The following ITFG1 variants were observed in gnomAD, a reference collection of about 807,000 sequenced individuals.
ITFG1 encodes the protein T-cell immunomodulatory protein.
A neutral mutation model predicts 81.8 loss-of-function variants in ITFG1; 34 were observed. The observed-to-expected ratio is 0.42, with a 90% CI of 0.32 to 0.55. The LOEUF (loss-of-function observed/expected upper bound fraction) is 0.55. ITFG1 is among the 20% of genes least tolerant of loss of function. The pLI, the probability that ITFG1 is intolerant of heterozygous loss-of-function variation, is 0.17. For synonymous variants in ITFG1, 285 were observed against 270.6 expected (o/e 1.05, Z -0.52); for missense variants, 672 against 755.4 (o/e 0.89, Z 1.29).
chr16:47,328,344 A>G (rs1264184442), intron 8 of ITFG1, among the ~76,000 whole-genome samples: 1 of 152,138 alleles, frequency 6.6e-6, no homozygotes, highest in Non-Finnish European at 1.5e-5. Flanking sequence ...GGCGGGAGCG[A>G]TAGCATTAGG....
intron 8 of ITFG1, among the ~76,000 whole-genome samples, chr16:47,355,540 C>A (rs188305564): frequency 3.2e-4 from 48 of 152,174 alleles, no homozygotes; most frequent in African/African-American, 1.1e-3. Flanking sequence ...TTTTAATGTT[C>A]TCACCACAAA....
At chr16:47,180,352 G>GCCCTCT (rs1183134881) in intron 14 of ITFG1, among the ~76,000 whole-genome samples, 2 of 151,512 alleles carry the variant, frequency 1.3e-5, no homozygotes, top group African/African-American at 2.4e-5. Flanking sequence ...TGGTATTATT[G>GCCCTCT]CCCTCTCCCT....
chr16:47,305,935 G>A (rs955680138), intron 10 of ITFG1, among the ~76,000 whole-genome samples: 1 of 152,144 alleles, frequency 6.6e-6, no homozygotes, highest in Admixed American at 6.5e-5. Context: ...GGTGATCAGA[G>A]AAATCAGTAA....
At chr16:47,349,280 G>C (rs1381161030) in intron 8 of ITFG1, among the ~76,000 whole-genome samples, 1 of 152,120 alleles carries the variant, frequency 6.6e-6, no homozygotes, top group Non-Finnish European at 1.5e-5. Flanking sequence ...TGGATAAAGA[G>C]TCAGACCCAT....
intron 13 of ITFG1, among the ~76,000 whole-genome samples, chr16:47,220,789 G>C (rs1364106845): frequency 1.3e-5 from 2 of 152,152 alleles, no homozygotes; most frequent in Non-Finnish European, 2.9e-5. Context: ...TAACAGAGTA[G>C]TGTAGAATCA....
chr16:47,290,332 G>T (rs1217519038), intron 10 of ITFG1, among the ~76,000 whole-genome samples: 1 of 152,138 alleles, frequency 6.6e-6, no homozygotes, highest in Non-Finnish European at 1.5e-5. Flanking sequence ...GGTCCATGTG[G>T]TCTAAAGGAC....
Position 47,461,039 on chromosome 16 carries a change from C to G in ITFG1, c.7G>C (p.Ala3Pro). The change falls in exon 1 of 18, where the codon GCG (alanine) becomes CCG (proline). Residue 3 changes from alanine to proline, a missense_variant. Physicochemically the swap from Ala to Pro is conservative, Grantham distance 27 (BLOSUM62 -1). This residue lies in a region of ITFG1 where 47 missense variants were observed against 26.4 expected (regional missense o/e 1.78). Transcript: ENST00000320640. Reference protein sequence around the residue: MAAAGRLPSSWAL... With the variant: MAPAGRLPSSWAL... ...CAGGAGCTCGGGAGCCGGCCCGCCG[C>G]CGCCATGGCAGCCCCTCAGCCCCCG... The G allele has an allele frequency of 1.3e-6, 2 of 1,540,380 alleles. No individual in the cohort carries two copies. The highest frequency in any genetic ancestry group is 1.7e-6 in the Non-Finnish European group (2 of 1,145,474).
chr16:47,307,093 CAAAAAAAAAAAA>C (rs371103697), intron 10 of ITFG1, among the ~76,000 whole-genome samples: 482 of 16,462 alleles, frequency 0.029, 5 homozygotes, highest in South Asian at 0.25. Context: ...AACTCCGTCT[CAAAAAAAAAAAA>C]AAAAAAAAAA....
intron 6 of ITFG1, among the ~76,000 whole-genome samples, chr16:47,427,954 G>A (rs955803514): frequency 6.6e-6 from 1 of 152,056 alleles, no homozygotes; most frequent in African/African-American, 2.4e-5. Flanking sequence ...GGCAACATAG[G>A]GAAACTCTGT....
At chr16:47,243,706 A>T (rs1278219938) in intron 12 of ITFG1, among the ~76,000 whole-genome samples, 1 of 152,204 alleles carries the variant, frequency 6.6e-6, no homozygotes, top group Non-Finnish European at 1.5e-5. Flanking sequence ...AAGGTAAAAA[A>T]ACCAAGATGC....
rs553012129 is a variant in ITFG1 at position 47,440,043 on chromosome 16, CTGATAAAACAGACTT to C, written c.561-11160_561-11146del. Among the ~76,000 whole-genome samples the C allele has an allele frequency of 7.1e-3, 1,076 of 152,194 alleles. 12 individuals carry two copies. Among genetic ancestry groups the C allele is most frequent in the African/African-American group, 0.025 (1,031 of 41,498 alleles). ...AAGGCAGGGGTTGCAATCCTAGTCT[CTGATAAAACAGACTT>C]TAAACCAACAAAGATCAAAAGAGAC... is the stretch of plus-strand genomic sequence containing the variant. On this transcript the variant is annotated intron_variant, in intron 5 of 17. Transcript: ENST00000320640.
At chr16:47,183,191 C>A (rs1488541530) in intron 14 of ITFG1, among the ~76,000 whole-genome samples, 1 of 152,198 alleles carries the variant, frequency 6.6e-6, no homozygotes, top group Admixed American at 6.5e-5. Context: ...AAGGCGGCAG[C>A]GAGGCTGGGG....
intron 6 of ITFG1, among the ~76,000 whole-genome samples, chr16:47,424,887 G>A (rs1038449115): frequency 9.9e-5 from 15 of 152,254 alleles, no homozygotes; most frequent in African/African-American, 3.4e-4. Flanking sequence ...AGGCTACATT[G>A]GGGTCAGGGA....
chr16:47,299,556 G>T (rs1477855970), intron 10 of ITFG1: 1 of 152,450 alleles, frequency 6.6e-6, no homozygotes, highest in Non-Finnish European at 1.5e-5. Context: ...TTGGAGGACA[G>T]TTCTCAGGCC....
chr16:47,363,979 G>T (rs907303648), intron 8 of ITFG1, among the ~76,000 whole-genome samples: 1 of 152,152 alleles, frequency 6.6e-6, no homozygotes, highest in African/African-American at 2.4e-5. Context: ...CTGGCGGTCA[G>T]TCACTTCCCT....
chr16:47,277,846 T>G (rs1966414167), intron 10 of ITFG1, among the ~76,000 whole-genome samples: 1 of 152,220 alleles, frequency 6.6e-6, no homozygotes, highest in Non-Finnish European at 1.5e-5. Context: ...AGGAGATGGC[T>G]GTGTGTGATA....
chr16:47,320,810 G>C (rs539269320), intron 8 of ITFG1, among the ~76,000 whole-genome samples: 1 of 152,236 alleles, frequency 6.6e-6, no homozygotes, highest in African/African-American at 2.4e-5. Context: ...AGTAAAAAAA[G>C]GCATTAACTC....
chr16:47,405,086 T>C (rs962719143), intron 6 of ITFG1, among the ~76,000 whole-genome samples: 1 of 152,162 alleles, frequency 6.6e-6, no homozygotes, highest in African/African-American at 2.4e-5. Flanking sequence ...TTTCATTATA[T>C]TGTAATGACA....
intron 5 of ITFG1, chr16:47,449,955 A>C (rs562859952): frequency 1.3e-5 from 2 of 152,362 alleles, no homozygotes; most frequent in East Asian, 3.9e-4. Flanking sequence ...CATCAGATTA[A>C]AGATATTCCA....
Sources: allele counts gnomAD v4.1 joint callset (sites outside exome capture counted in the v4.1 genomes callset), GRCh38; gene constraint gnomAD v4.1.1; regional missense constraint gnomAD v4.1.1; transcripts MANE v1.5; gene names NCBI Gene and HGNC (gene_info 2026-07-23, HGNC 2026-07-21).